Variants in CSTPP1 observed in about 807,000 individuals in gnomAD.
CSTPP1 encodes UPF0705 protein C11orf49.
At chr11:47,146,365 C>CAAA in the CSTPP1 span, among the ~76,000 whole-genome samples, 2 of 73,824 alleles carry the variant, frequency 2.7e-5, no homozygotes, top group Non-Finnish European at 2.8e-5. Context: ...AACTCTGTCT[C>CAAA]AAAAAAAAAA....
the CSTPP1 span, among the ~76,000 whole-genome samples, chr11:47,122,605 CAG>C: frequency 2.0e-5 from 3 of 151,690 alleles, no homozygotes; most frequent in Non-Finnish European, 4.4e-5. Context: ...TTTTTTGAGG[CAG>C]AGTCTTGCTC....
At chr11:47,070,012 CGTT>C in the CSTPP1 span, among the ~76,000 whole-genome samples, 149 of 152,274 alleles carry the variant, frequency 9.8e-4, no homozygotes, top group Admixed American at 2.8e-3. Context: ...CGCACCCGGC[CGTT>C]GTTGCTTTTT....
chr11:46,959,013 T>A, the CSTPP1 span, among the ~76,000 whole-genome samples: 1 of 152,194 alleles, frequency 6.6e-6, no homozygotes, highest in Non-Finnish European at 1.5e-5. Flanking sequence ...CCAGAAATGA[T>A]GTTTTACCAG....
the CSTPP1 span, among the ~76,000 whole-genome samples, chr11:47,062,112 C>T: frequency 1.2e-3 from 182 of 152,154 alleles, no homozygotes; most frequent in Non-Finnish European, 2.1e-3. Context: ...TGGGTCCTTC[C>T]ATTATAATTT....
chr11:46,936,920 G>C, the CSTPP1 span: 2 of 1,427,650 alleles, frequency 1.4e-6, no homozygotes, highest in Non-Finnish European at 1.9e-6. Context: ...CTGGGAGGAG[G>C]CGGGGGCGGG....
At chr11:46,949,701 T>G in the CSTPP1 span, among the ~76,000 whole-genome samples, 14 of 149,540 alleles carry the variant, frequency 9.4e-5, no homozygotes, top group African/African-American at 3.4e-4. Context: ...AGAGTTTCGC[T>G]CCATCACCCA....
At chr11:46,942,663 T>G in the CSTPP1 span, among the ~76,000 whole-genome samples, 1 of 152,102 alleles carries the variant, frequency 6.6e-6, no homozygotes, top group Non-Finnish European at 1.5e-5. Flanking sequence ...TAAGCTATAG[T>G]TTTTGAACTC....
At chr11:47,123,995 C>T in the CSTPP1 span, among the ~76,000 whole-genome samples, 1 of 151,800 alleles carries the variant, frequency 6.6e-6, no homozygotes, top group Non-Finnish European at 1.5e-5. Context: ...CTTTGTGCTA[C>T]TTCCTCAACC....
chr11:46,947,738 G>A, the CSTPP1 span, among the ~76,000 whole-genome samples: 3 of 152,156 alleles, frequency 2.0e-5, no homozygotes, highest in East Asian at 1.9e-4. Flanking sequence ...ATCTAGCCCC[G>A]AGATTACAGG....
At chr11:47,114,229 C>T in the CSTPP1 span, among the ~76,000 whole-genome samples, 1 of 152,172 alleles carries the variant, frequency 6.6e-6, no homozygotes, top group African/African-American at 2.4e-5. Flanking sequence ...GTACCAGTAC[C>T]AGGCTGTTTT....
the CSTPP1 span, among the ~76,000 whole-genome samples, chr11:47,091,721 A>G: frequency 6.6e-6 from 1 of 152,184 alleles, no homozygotes; most frequent in South Asian, 2.1e-4. Flanking sequence ...AGGGAGTCAG[A>G]TAGAGATTTG....
the CSTPP1 span, among the ~76,000 whole-genome samples, chr11:47,119,602 CTTTTTTTTTTTTT>C: frequency 1.6e-3 from 100 of 61,918 alleles, 1 homozygote; most frequent in African/African-American, 7.2e-3. Flanking sequence ...CTGCCCACTT[CTTTTTTTTTTTTT>C]TTTTTTTTTT....
At chr11:47,078,505 A>C in the CSTPP1 span, among the ~76,000 whole-genome samples, 1 of 152,174 alleles carries the variant, frequency 6.6e-6, no homozygotes, top group African/African-American at 2.4e-5. Flanking sequence ...CAAGGAGTTA[A>C]TGGAGAAGGT....
chr11:47,013,915 TG>T, the CSTPP1 span, among the ~76,000 whole-genome samples: 1 of 152,202 alleles, frequency 6.6e-6, no homozygotes, highest in Non-Finnish European at 1.5e-5. Flanking sequence ...TTTTTGACTT[TG>T]TAATAATAGC....
At chr11:47,111,782 C>T in the CSTPP1 span, among the ~76,000 whole-genome samples, 2 of 152,254 alleles carry the variant, frequency 1.3e-5, no homozygotes, top group South Asian at 2.1e-4. Flanking sequence ...GTAGCCTGAC[C>T]TCCTCCAGAC....
At chr11:46,985,610 G>A in the CSTPP1 span, among the ~76,000 whole-genome samples, 5 of 152,302 alleles carry the variant, frequency 3.3e-5, no homozygotes, top group Non-Finnish European at 7.3e-5. Context: ...AAAATTCAGA[G>A]AAAGGGAAGA....
At chr11:46,984,640 T>G in the CSTPP1 span, among the ~76,000 whole-genome samples, 2 of 152,158 alleles carry the variant, frequency 1.3e-5, no homozygotes, top group East Asian at 3.9e-4. Flanking sequence ...CTGAAAATAT[T>G]TATCCCGTAA....
the CSTPP1 span, among the ~76,000 whole-genome samples, chr11:46,993,474 C>A: frequency 6.6e-6 from 1 of 151,914 alleles, no homozygotes; most frequent in South Asian, 2.1e-4. Context: ...GGAAGGGATC[C>A]AGTTTCAGCT....
At chr11:47,031,918 A>G in the CSTPP1 span, among the ~76,000 whole-genome samples, 2 of 152,140 alleles carry the variant, frequency 1.3e-5, no homozygotes, top group Non-Finnish European at 2.9e-5. Context: ...TTGGAGTCCA[A>G]TGTTTTAGGG....
Sources: allele counts gnomAD v4.1 joint callset (sites outside exome capture counted in the v4.1 genomes callset), GRCh38; gene constraint gnomAD v4.1.1; transcripts MANE v1.5; gene names NCBI Gene and HGNC (gene_info 2026-07-23, HGNC 2026-07-21).